The following ABLIM1 variants were observed in gnomAD, a reference collection of about 807,000 sequenced individuals.
ABLIM1 encodes the protein actin binding LIM protein 1.
In ABLIM1, 40 loss-of-function variants were observed where a neutral mutation model predicts 107.0. The observed-to-expected ratio is 0.37, with a 90% CI of 0.29 to 0.49. The LOEUF is 0.49. Ranked by LOEUF, ABLIM1 falls within the 20% of genes least tolerant of loss-of-function variation. The pLI is 0.97. For synonymous variants in ABLIM1, 357 were observed against 357.3 expected (o/e 1.00, Z 0.01); for missense variants, 857 against 1,008.5 (o/e 0.85, Z 2.04).
At chr10:114,768,380 G>A (rs2082958385), upstream of ABLIM1, among the ~76,000 whole-genome samples, 1 of 150,698 alleles carries the variant, frequency 6.6e-6, no homozygotes, top group Non-Finnish European at 1.5e-5. Flanking sequence ...GCGGCGCCGG[G>A]CGGGGCTCTG....
At chr10:114,481,204 C>T (rs891309997) in intron 8 of ABLIM1, among the ~76,000 whole-genome samples, 3 of 152,024 alleles carry the variant, frequency 2.0e-5, no homozygotes, top group Non-Finnish European at 4.4e-5. Context: ...TGACATTTTC[C>T]ATTTACTTTC....
chr10:114,618,660 G>C (rs2077279129), intron 1 of ABLIM1, among the ~76,000 whole-genome samples: 2 of 152,200 alleles, frequency 1.3e-5, no homozygotes, highest in African/African-American at 4.8e-5. Flanking sequence ...CAGTGCCCTG[G>C]AGAGGCAAGG....
intron 6 of ABLIM1, among the ~76,000 whole-genome samples, chr10:114,521,534 G>A (rs114905231): frequency 3.7e-4 from 57 of 152,344 alleles, no homozygotes; most frequent in African/African-American, 1.4e-3. Flanking sequence ...TGTACAAAGT[G>A]AGGTGGGTGT....
intron 1 of ABLIM1, among the ~76,000 whole-genome samples, chr10:114,735,409 G>A (rs555008476): frequency 2.0e-5 from 3 of 152,316 alleles, no homozygotes; most frequent in East Asian, 3.9e-4. Flanking sequence ...GAGGGATTTG[G>A]GAGCCAACTG....
At chr10:114,552,343 G>A (rs2068162379) in intron 4 of ABLIM1, among the ~76,000 whole-genome samples, 1 of 152,182 alleles carries the variant, frequency 6.6e-6, no homozygotes. Context: ...AATCACTGAA[G>A]CAGCTGCTGA....
At chr10:114,544,224 C>T (rs1172983518) in intron 6 of ABLIM1, among the ~76,000 whole-genome samples, 2 of 152,190 alleles carry the variant, frequency 1.3e-5, no homozygotes, top group Admixed American at 1.3e-4. Flanking sequence ...GCTTCCTGAC[C>T]CACCTCTGCT....
At chr10:114,599,725 T>C (rs2075799562) in intron 2 of ABLIM1, among the ~76,000 whole-genome samples, 2 of 151,918 alleles carry the variant, frequency 1.3e-5, no homozygotes, top group South Asian at 4.2e-4. Context: ...AGGCGGAGGT[T>C]GCAGTGAGCT....
intron 6 of ABLIM1, among the ~76,000 whole-genome samples, chr10:114,527,134 C>T (rs1039018302): frequency 3.3e-5 from 5 of 152,124 alleles, no homozygotes; most frequent in African/African-American, 1.2e-4. Context: ...GATTCTTAGG[C>T]TTTTTGAGTT....
chr10:114,767,984 G>C (rs1436985397), intron 1 of ABLIM1: 4 of 409,870 alleles, frequency 9.8e-6, no homozygotes, highest in Non-Finnish European at 1.9e-5. Flanking sequence ...CGGCGCGGCT[G>C]TCGCAGCCCC....
At chr10:114,712,747 G>A (rs965420499) in intron 1 of ABLIM1, among the ~76,000 whole-genome samples, 1 of 152,190 alleles carries the variant, frequency 6.6e-6, no homozygotes, top group African/African-American at 2.4e-5. Context: ...TCTATGACAC[G>A]GGAATATTTG....
intron 1 of ABLIM1, among the ~76,000 whole-genome samples, chr10:114,727,926 AAAAT>A (rs1310255596): frequency 1.3e-5 from 2 of 152,240 alleles, no homozygotes; most frequent in African/African-American, 4.8e-5. Flanking sequence ...CCTTTTCTCA[AAAAT>A]AAATAAATAA....
the ABLIM1 span, among the ~76,000 whole-genome samples, chr10:114,789,984 C>A: frequency 2.0e-5 from 3 of 152,048 alleles, no homozygotes; most frequent in Admixed American, 6.6e-5. Flanking sequence ...GTAGAGATGG[C>A]GTTTCGCCAT....
At chr10:114,504,679 A>G (rs764749439) in intron 6 of ABLIM1, among the ~76,000 whole-genome samples, 3 of 152,192 alleles carry the variant, frequency 2.0e-5, no homozygotes, top group Non-Finnish European at 4.4e-5. Flanking sequence ...CAGTTTCTGC[A>G]TGTACATCAA....
intron 1 of ABLIM1, among the ~76,000 whole-genome samples, chr10:114,727,252 G>A (rs2081979394): frequency 1.3e-5 from 2 of 152,160 alleles, no homozygotes; most frequent in South Asian, 4.2e-4. Flanking sequence ...TTCACCTTAG[G>A]AACTATTCTT....
intron 7 of ABLIM1, among the ~76,000 whole-genome samples, chr10:114,490,903 A>G (rs2058832264): frequency 6.7e-6 from 1 of 148,756 alleles, no homozygotes; most frequent in Admixed American, 6.8e-5. Flanking sequence ...TCCTCAGCTC[A>G]AGCTATCCTC....
At chr10:114,460,679 G>A (rs554897858) in intron 12 of ABLIM1, among the ~76,000 whole-genome samples, 7 of 152,312 alleles carry the variant, frequency 4.6e-5, no homozygotes, top group Middle Eastern at 3.4e-3. Context: ...ACTTCACCTC[G>A]TGATGTAGGA....
At chr10:114,683,303 G>A (rs2080824718) in intron 1 of ABLIM1, among the ~76,000 whole-genome samples, 1 of 152,198 alleles carries the variant, frequency 6.6e-6, no homozygotes, top group Non-Finnish European at 1.5e-5. Flanking sequence ...TCCAAGGCAG[G>A]TCAGTGAGGA....
In ABLIM1 at chr10:114,453,401, G is replaced by C. The variant is rs1309294971; in HGVS notation, c.1524C>G (p.Ala508=). The change falls in exon 13 of 23, where the codon GCC becomes GCG. Residue 508 remains alanine, a synonymous_variant. Transcript: ENST00000533213. ...TACCTGGAACATGGAAATGTTTAGG[G>C]GCCTGAGCGTAAGTTGGAGTTAGAG... The part of the protein sequence containing the change: ...SRPLTPTYAQ[A]PKHFHVPDQG... 1 of 1,614,064 alleles carries C rather than the reference G, an allele frequency of 6.2e-7. No homozygotes were observed. Among genetic ancestry groups the C allele is most frequent in the South Asian group, 1.1e-5 (1 of 91,058 alleles).
intron 1 of ABLIM1, among the ~76,000 whole-genome samples, chr10:114,680,821 G>A (rs1478374431): frequency 1.3e-5 from 2 of 152,214 alleles, no homozygotes; most frequent in African/African-American, 2.4e-5. Flanking sequence ...GACCTTCCAG[G>A]ATTATCATTC....
Sources: gnomAD v4.1 joint callset for allele counts (sites outside exome capture counted in the v4.1 genomes callset) on GRCh38, gnomAD v4.1.1 for gene constraint, MANE v1.5 for transcripts, NCBI Gene and HGNC (gene_info 2026-07-23, HGNC 2026-07-21) for gene names.